The following PADI4 variants were observed in gnomAD, a reference collection of about 807,000 sequenced individuals.
PADI4 encodes the protein protein-arginine deiminase type-4.
Under a neutral mutation model 75.0 loss-of-function variants are expected in PADI4, and 62 were observed. The observed-to-expected ratio is 0.83, with a 90% CI of 0.67 to 1.02. PADI4 has a LOEUF of 1.02. Ranked by LOEUF, PADI4 falls within the 50% of genes least tolerant of loss-of-function variation. The pLI is 0.00. For missense variants in PADI4, 845 were observed against 850.5 expected, an observed-to-expected ratio of 0.99 and a Z score of 0.08; for synonymous variants, 361 against 348.1, an observed-to-expected ratio of 1.04 and a Z score of -0.41.
At chr1:17,350,260 T>C (rs538219731) in intron 10 of PADI4, among the ~76,000 whole-genome samples, 2 of 129,500 alleles carry the variant, frequency 1.5e-5, no homozygotes, top group Admixed American at 1.7e-4. Context: ...GCATCGTCAG[T>C]AAATTTTCTA....
chr1:17,312,892 TA>T (rs2073863418), intron 1 of PADI4, among the ~76,000 whole-genome samples: 1 of 151,548 alleles, frequency 6.6e-6, no homozygotes, highest in African/African-American at 2.4e-5. Context: ...GTAGCTATCT[TA>T]TTTAGAAACA....
rs141293265 is a variant in PADI4 at position 17,342,394 on chromosome 1, C to T, written c.927C>T (p.Tyr309=). The stretch of plus-strand genomic sequence containing the variant: ...ACACCCAGCCCCCGCAGGAGGTGTA[C>T]GCGTGCAGGTGAGAGGTCCTGGGGT... ...TPNTQPPQEV[Y]ACSIFENEDF... is the part of the protein sequence containing the mutation. Residue 309 remains tyrosine (Y), a synonymous_variant, in exon 8 of 16, where the codon TAC becomes TAT. Coordinates refer to ENST00000375448, the MANE Select transcript of PADI4 (RefSeq NM_012387.3). The T allele has an allele frequency of 6.9e-4, 1,118 of 1,609,002 alleles. 1 individual carries two copies. The highest frequency in any genetic ancestry group is 5.5e-3 in the African/African-American group (409 of 74,960).
Position 17,348,084 on chromosome 1 carries a change from G to A in PADI4, c.1155+36G>A, listed in dbSNP as rs780436778. 1.1e-4 allele frequency: 146 copies of A among 1,333,428 alleles called. 2 individuals are homozygous for A. The highest frequency in any genetic ancestry group is 6.4e-4 in the Admixed American group (38 of 59,166). 82.6% of individuals were successfully genotyped at this position (1,333,428 alleles called of 1,614,324 possible). A position where few individuals can be genotyped will look rare whatever the true frequency, so the allele number is the denominator to read the frequency against. Reference sequence around the variant, plus strand: ...GGGGTGGGGAGGGGGCACAGCTGCCGAAACCCTCTTGTCTTGAGACTCCCT... The same window carrying A: ...GGGGTGGGGAGGGGGCACAGCTGCCAAAACCCTCTTGTCTTGAGACTCCCT... On this transcript the variant is annotated intron_variant, in intron 10 of 15. Transcript: ENST00000375448.
intron 1 of PADI4, among the ~76,000 whole-genome samples, chr1:17,330,379 G>A (rs2074188411): frequency 1.3e-5 from 2 of 152,198 alleles, no homozygotes; most frequent in Non-Finnish European, 2.9e-5. Context: ...GTGTGTGTGT[G>A]AGAGAGAGTT....
intron 1 of PADI4, among the ~76,000 whole-genome samples, chr1:17,329,218 C>A (rs1012491298): frequency 4.7e-5 from 7 of 150,502 alleles, no homozygotes; most frequent in African/African-American, 1.7e-4. Context: ...TCTGTGTATA[C>A]AGGAGGCTGA....
In PADI4 at chr1:17,320,532, C is replaced by G. The variant is rs146789042; in HGVS notation, c.93-10437C>G. On this transcript the variant is annotated intron_variant, in intron 1 of 15. Transcript: ENST00000375448. The stretch of plus-strand genomic sequence containing the variant: ...TTCAGGGTAAAGGGTGGGCAATTCC[C>G]TGAACTGAGGGTTCCTCCACTTTTT... Among the ~76,000 whole-genome samples the G allele has an allele frequency of 1.1e-3, 168 of 152,324 alleles. 1 individual carries two copies. The East Asian group carries it at 0.027, about 25-fold the overall frequency.
Position 17,356,828 on chromosome 1 carries a change from G to T in PADI4, c.1558+369G>T, listed in dbSNP as rs2074768442. Reference sequence around the variant, plus strand: ...AGGAAGAGAGATACCACAGGCAGAGGGACGGGGGTGGGGCGGCTCAGAGGC... The same window carrying T: ...AGGAAGAGAGATACCACAGGCAGAGTGACGGGGGTGGGGCGGCTCAGAGGC... On this transcript the variant is annotated intron_variant, in intron 13 of 15. Transcript: ENST00000375448. The surrounding 1 kb of genome is among the most constrained non-coding windows in gnomAD (Gnocchi z 4.1). 6.6e-6 allele frequency among the ~76,000 whole-genome samples: 1 copy of T among 151,808 alleles called. No individual in the cohort carries two copies. The highest frequency in any genetic ancestry group is 1.5e-5 in the Non-Finnish European group (1 of 67,912).
intron 14 of PADI4, 63 bp from the exon 15 acceptor site, chr1:17,359,217 T>TGCCCCCCCC: frequency 2.3e-4 from 149 of 647,442 alleles, no homozygotes; most frequent in East Asian, 4.9e-4. Context: ...CCCCACACTG[T>TGCCCCCCCC]CCCCCACCCC....
chr1:17,342,720 A>G (rs2074445725), intron 8 of PADI4, among the ~76,000 whole-genome samples: 1 of 152,170 alleles, frequency 6.6e-6, no homozygotes, highest in Non-Finnish European at 1.5e-5. Context: ...CACGCCTGTA[A>G]TCCTAGCACT....
chr1:17,341,830 C>G, intron 6 of PADI4, 113 bp from the exon 7 acceptor site: 1 of 748,396 alleles, frequency 1.3e-6, no homozygotes, highest in South Asian at 1.8e-5. Context: ...AAGGGGTTCT[C>G]TGATGGTGCC....
At chr1:17,343,657 G>T (rs1261796035) in intron 8 of PADI4, among the ~76,000 whole-genome samples, 1 of 152,134 alleles carries the variant, frequency 6.6e-6, no homozygotes, top group Non-Finnish European at 1.5e-5. Flanking sequence ...TCATGGAGGT[G>T]GTTTGCCCCA....
At chr1:17,336,649 AGAGG>A (rs2074317181) in intron 4 of PADI4, among the ~76,000 whole-genome samples, 1 of 152,126 alleles carries the variant, frequency 6.6e-6, no homozygotes, top group African/African-American at 2.4e-5. Context: ...CCAGGTGGGG[AGAGG>A]GAGGGTGTGT....
intron 1 of PADI4, among the ~76,000 whole-genome samples, chr1:17,322,058 T>C (rs2074038895): frequency 6.6e-6 from 1 of 152,172 alleles, no homozygotes; most frequent in African/African-American, 2.4e-5. Flanking sequence ...CATTTTTACA[T>C]GAGATTACAT....
intron 1 of PADI4, among the ~76,000 whole-genome samples, chr1:17,321,404 T>C (rs780440208): frequency 1.3e-5 from 2 of 152,162 alleles, no homozygotes; most frequent in Non-Finnish European, 2.9e-5. Flanking sequence ...AACTCTTGAG[T>C]TTGGGAAAGT....
Position 17,332,957 on chromosome 1 carries a change from G to A in PADI4, c.274-986G>A, listed in dbSNP as rs7545194. Among the ~76,000 whole-genome samples, 12 of 152,202 alleles carry A rather than the reference G, an allele frequency of 7.9e-5. No individual in the cohort carries two copies. In the East Asian group the frequency reaches 1.7e-3, roughly 22 times the overall value. ...TCTGGATGAGAAAAGGGTGAGACAC[G>A]TGTTGGGGAAACTGAGGAAGTTCTG... On this transcript the variant is annotated intron_variant, in intron 2 of 15. Transcript: ENST00000375448.
At chr1:17,352,038 G>GGCGGGAA (rs371464403) in intron 10 of PADI4, among the ~76,000 whole-genome samples, 1 of 54,704 alleles carries the variant, frequency 1.8e-5, no homozygotes, top group African/African-American at 7.4e-5. Context: ...GGTGATGGGA[G>GGCGGGAA]GAGAGGCAGT....
At chr1:17,339,667 G>A (rs754149779) in intron 5 of PADI4, 21 bp from the exon 6 acceptor site, 2 of 1,613,406 alleles carry the variant, frequency 1.2e-6, no homozygotes, top group Non-Finnish European at 1.7e-6. Context: ...TGTGACTCAG[G>A]CAATGCCCTT....
intron 1 of PADI4, among the ~76,000 whole-genome samples, chr1:17,315,485 G>A (rs1384765476): frequency 6.6e-6 from 1 of 151,074 alleles, no homozygotes; most frequent in African/African-American, 2.5e-5. Context: ...AAAAGGGAAA[G>A]AGAGAAAAAT....
At chr1:17,321,701 C>T (rs937820176) in intron 1 of PADI4, among the ~76,000 whole-genome samples, 16 of 152,304 alleles carry the variant, frequency 1.1e-4, no homozygotes, top group African/African-American at 3.1e-4. Context: ...AATTCCATCT[C>T]CTGAAGGATC....
Sources: gnomAD v4.1 joint callset for allele counts (sites outside exome capture counted in the v4.1 genomes callset) on GRCh38, gnomAD v4.1.1 for gene constraint, Gnocchi (gnomAD v3.1) non-coding constraint, MANE v1.5 for transcripts, NCBI Gene and HGNC (gene_info 2026-07-23, HGNC 2026-07-21) for gene names.